Variants in SYT16 observed in about 807,000 individuals in gnomAD.
SYT16 encodes synaptotagmin-16.
A neutral mutation model predicts 61.4 loss-of-function variants in SYT16; 42 were observed. The ratio of observed to expected loss-of-function variants is 0.68; its 90% CI spans 0.53 to 0.89. The LOEUF is 0.89. SYT16 is among the 40% of genes least tolerant of loss of function. The pLI, the probability that SYT16 is intolerant of heterozygous loss-of-function variation, is 0.00. For synonymous variants in SYT16, 314 were observed against 302.3 expected, an observed-to-expected ratio of 1.04 and a Z score of -0.40; for missense variants, 804 against 807.3, an observed-to-expected ratio of 1.00 and a Z score of 0.05.
At chr14:62,100,099 C>T (rs987308353) in intron 7 of SYT16, among the ~76,000 whole-genome samples, 1 of 152,190 alleles carries the variant, frequency 6.6e-6, no homozygotes, top group African/African-American at 2.4e-5. Flanking sequence ...CACCATTGCA[C>T]GTATGCCTGT....
rs144832314 is a variant in SYT16 at position 61,883,539 on chromosome 14, T to C, written c.-325+70729T>C. 4.5e-3 allele frequency among the ~76,000 whole-genome samples: 684 copies of C among 152,328 alleles called. 9 individuals are homozygous for C. Among genetic ancestry groups the C allele is most frequent in the Non-Finnish European group, 7.6e-3 (517 of 68,032 alleles). ...CTGGACTTCATTGTCCATATCACTATCAGCATTTTGGTCAAAGCCATTCAA... is the reference window on the plus strand; with the variant it reads ...CTGGACTTCATTGTCCATATCACTACCAGCATTTTGGTCAAAGCCATTCAA... On this transcript the variant is annotated intron_variant, in intron 1 of 7. Transcript: ENST00000683842.
At chr14:61,986,752 T>A (rs1228775405) in intron 2 of SYT16, among the ~76,000 whole-genome samples, 1 of 152,152 alleles carries the variant, frequency 6.6e-6, no homozygotes, top group Non-Finnish European at 1.5e-5. Flanking sequence ...TTAAATCATT[T>A]AAAATGATAA....
At chr14:62,091,767 G>A (rs2057082465) in intron 7 of SYT16, among the ~76,000 whole-genome samples, 1 of 151,984 alleles carries the variant, frequency 6.6e-6, no homozygotes, top group Non-Finnish European at 1.5e-5. Flanking sequence ...AGAAAACATA[G>A]GGCAAAAACT....
At chr14:61,910,755 C>T (rs995692301) in intron 1 of SYT16, among the ~76,000 whole-genome samples, 3 of 152,222 alleles carry the variant, frequency 2.0e-5, no homozygotes, top group Middle Eastern at 3.4e-3. Flanking sequence ...TCTTGAACTC[C>T]TGACCGCAAG....
In SYT16 at chr14:62,075,334, T is replaced by G; in HGVS notation, c.936T>G (p.Asn312Lys). ...GCTTGGAGATGGAGACAGCTTTTAATAGCCGGGGATTTGAAGATTCCTATG... is the reference window on the plus strand; with the variant it reads ...GCTTGGAGATGGAGACAGCTTTTAAGAGCCGGGGATTTGAAGATTCCTATG... ...EGSLEMETAF[N>K]SRGFEDSYAT... The change falls in exon 5 of 8, where the codon AAT becomes AAG. Residue 312 changes from asparagine (N) to lysine (K), a missense_variant. Transcript: ENST00000683842. 6.2e-7 allele frequency: 1 copy of G among 1,613,876 alleles called. No homozygotes were observed. The highest frequency in any genetic ancestry group is 8.5e-7 in the Non-Finnish European group (1 of 1,179,826).
Position 62,110,208 on chromosome 14 carries a change from A to AATCTTCC in SYT16, c.*9503_*9509dup, listed in dbSNP as rs1248806950. ...TGATGAGGCCTGTGTTCTGATATCA[A>AATCTTCC]ATCTTCCACTAATGAGCTCTAAAAT... On this transcript the variant is annotated 3_prime_UTR_variant, in exon 8 of 8. Transcript: ENST00000683842. The AATCTTCC allele has an allele frequency of 1.8e-4, 27 of 152,308 alleles. No individual in the cohort carries two copies. Among genetic ancestry groups the AATCTTCC allele is most frequent in the African/African-American group, 6.5e-4 (27 of 41,564 alleles). 9.4% of individuals were successfully genotyped at this position (152,308 alleles called of 1,614,324 possible).
intron 6 of SYT16, among the ~76,000 whole-genome samples, chr14:62,081,957 G>C (rs1017134375): frequency 6.6e-6 from 1 of 152,174 alleles, no homozygotes; most frequent in Non-Finnish European, 1.5e-5. Context: ...AGGCAAAGTG[G>C]ATGCAGGAAA....
At chr14:61,894,109 C>A (rs1218616906) in intron 1 of SYT16, among the ~76,000 whole-genome samples, 1 of 152,064 alleles carries the variant, frequency 6.6e-6, no homozygotes, top group African/African-American at 2.4e-5. Flanking sequence ...CATGGTAAAA[C>A]CCCATCTCTA....
chr14:61,890,396 G>A (rs2048076921), intron 1 of SYT16, among the ~76,000 whole-genome samples: 1 of 151,630 alleles, frequency 6.6e-6, no homozygotes, highest in South Asian at 2.1e-4. Flanking sequence ...AAGGATTCAG[G>A]TTCACTGACC....
chr14:61,854,729 C>T lies in SYT16; in HGVS notation c.-325+41919C>T, dbSNP rs79938858. 3.9e-3 allele frequency among the ~76,000 whole-genome samples: 588 copies of T among 152,256 alleles called. 5 individuals are homozygous for T. Among genetic ancestry groups the T allele is most frequent in the African/African-American group, 0.013 (559 of 41,550 alleles). ...CCTCCCTAGAAACATACGCATCACT[C>T]GTGGTTATTCTATCTTGTGTATATA... On this transcript the variant is annotated intron_variant, in intron 1 of 7. Transcript: ENST00000683842.
chr14:62,007,230 G>T (rs1257917467), intron 3 of SYT16, among the ~76,000 whole-genome samples: 1 of 152,124 alleles, frequency 6.6e-6, no homozygotes, highest in Non-Finnish European at 1.5e-5. Flanking sequence ...GTCAAATGTT[G>T]CATTCCACCT....
chr14:62,020,645 G>A (rs1416843371), intron 3 of SYT16, among the ~76,000 whole-genome samples: 1 of 152,184 alleles, frequency 6.6e-6, no homozygotes, highest in Non-Finnish European at 1.5e-5. Context: ...CCAGCAGTGG[G>A]CTCTTTCCAC....
intron 1 of SYT16, among the ~76,000 whole-genome samples, chr14:61,892,371 T>G (rs1370671732): frequency 6.6e-6 from 1 of 152,116 alleles, no homozygotes; most frequent in Non-Finnish European, 1.5e-5. Context: ...TTTCTCTCTT[T>G]GCCCTCGCTT....
intron 2 of SYT16, among the ~76,000 whole-genome samples, chr14:61,972,514 A>G (rs1223871731): frequency 6.6e-6 from 1 of 152,212 alleles, no homozygotes; most frequent in Non-Finnish European, 1.5e-5. Context: ...CTTTAAAAAT[A>G]GTTTCTTCAG....
chr14:61,821,291 A>G (rs977241881), intron 1 of SYT16, among the ~76,000 whole-genome samples: 2 of 152,286 alleles, frequency 1.3e-5, no homozygotes, highest in South Asian at 4.1e-4. Context: ...AGTGGTGATA[A>G]TTAGAATCAC....
At chr14:61,972,973 A>G (rs1410758679) in intron 2 of SYT16, among the ~76,000 whole-genome samples, 1 of 152,204 alleles carries the variant, frequency 6.6e-6, no homozygotes, top group Non-Finnish European at 1.5e-5. Flanking sequence ...CTATGAATGG[A>G]AGAGAACTAA....
chr14:61,983,145 T>C (rs930913629), intron 2 of SYT16, among the ~76,000 whole-genome samples: 4 of 152,238 alleles, frequency 2.6e-5, no homozygotes, highest in African/African-American at 9.6e-5. Context: ...GTTTATATGC[T>C]TAACTAGCTA....
At chr14:61,893,329 T>C (rs1300187780) in intron 1 of SYT16, among the ~76,000 whole-genome samples, 1 of 152,246 alleles carries the variant, frequency 6.6e-6, no homozygotes, top group Non-Finnish European at 1.5e-5. Flanking sequence ...TGCTTTCCTC[T>C]GAAATGCCTT....
At chr14:62,011,413 G>A (rs2053444339) in intron 3 of SYT16, among the ~76,000 whole-genome samples, 1 of 152,066 alleles carries the variant, frequency 6.6e-6, no homozygotes, top group Admixed American at 6.6e-5. Context: ...CCACTTTCTG[G>A]CAATAAGAAG....
Sources: allele counts gnomAD v4.1 joint callset (sites outside exome capture counted in the v4.1 genomes callset), GRCh38; gene constraint gnomAD v4.1.1; transcripts MANE v1.5; gene names NCBI Gene and HGNC (gene_info 2026-07-23, HGNC 2026-07-21).